Variants in VRK1 observed in about 807,000 individuals in gnomAD.
VRK1 encodes the protein serine/threonine-protein kinase VRK1.
A neutral mutation model predicts 57.1 loss-of-function variants in VRK1; 33 were observed. The observed-to-expected ratio is 0.58, with a 90% CI of 0.44 to 0.77. VRK1 has a LOEUF of 0.77. VRK1 is among the 30% of genes least tolerant of loss of function. VRK1 has a pLI of 0.00. For missense variants in VRK1, 413 were observed against 477.3 expected, an observed-to-expected ratio of 0.87 and a Z score of 1.25; for synonymous variants, 137 against 147.8, an observed-to-expected ratio of 0.93 and a Z score of 0.53.
chr14:96,861,218 A>C (rs1888378312), intron 11 of VRK1, among the ~76,000 whole-genome samples: 1 of 152,134 alleles, frequency 6.6e-6, no homozygotes, highest in Admixed American at 6.5e-5. Flanking sequence ...ATATAAAGCT[A>C]TATATCAGCA....
intron 1 of VRK1, among the ~76,000 whole-genome samples, chr14:96,811,816 C>T (rs190182235): frequency 4.3e-4 from 65 of 151,440 alleles, no homozygotes; most frequent in Non-Finnish European, 5.9e-5. Context: ...ATATAACTTA[C>T]ATACCATACA....
chr14:96,839,444 G>GC (rs1887365341), intron 3 of VRK1, among the ~76,000 whole-genome samples: 1 of 152,058 alleles, frequency 6.6e-6, no homozygotes, highest in African/African-American at 2.4e-5. Context: ...AAATGGTTGT[G>GC]CCCTTGTACA....
At chr14:96,812,773 A>G (rs1032940419) in intron 1 of VRK1, among the ~76,000 whole-genome samples, 6 of 152,230 alleles carry the variant, frequency 3.9e-5, no homozygotes, top group African/African-American at 4.8e-5. Flanking sequence ...CATTAGCAAC[A>G]TACATACATG....
At chr14:96,878,554 C>G (rs1889129224) in intron 12 of VRK1, among the ~76,000 whole-genome samples, 1 of 152,096 alleles carries the variant, frequency 6.6e-6, no homozygotes, top group African/African-American at 2.4e-5. Flanking sequence ...CCTTTAATAT[C>G]TATTTAGACC....
At chr14:96,815,849 T>C (rs1886371608) in intron 1 of VRK1, among the ~76,000 whole-genome samples, 1 of 151,566 alleles carries the variant, frequency 6.6e-6, no homozygotes, top group Non-Finnish European at 1.5e-5. Flanking sequence ...ATGATTCTGC[T>C]ATTGCACTCA....
intron 5 of VRK1, among the ~76,000 whole-genome samples, chr14:96,849,463 A>C (rs1233789929): frequency 6.6e-6 from 1 of 151,652 alleles, no homozygotes; most frequent in African/African-American, 2.4e-5. Context: ...AAAAAAAACC[A>C]AGCACGGTAT....
intron 1 of VRK1, among the ~76,000 whole-genome samples, chr14:96,831,910 C>T (rs1887019735): frequency 6.6e-6 from 1 of 151,984 alleles, no homozygotes; most frequent in Non-Finnish European, 1.5e-5. Flanking sequence ...TAAAAGTAAC[C>T]TTTCTTGGTG....
intron 1 of VRK1, among the ~76,000 whole-genome samples, chr14:96,817,331 C>T (rs2139709870): frequency 6.6e-6 from 1 of 151,888 alleles, no homozygotes; most frequent in African/African-American, 2.4e-5. Context: ...ATATGTTTTG[C>T]AGGTATTTTT....
At position 96,847,259 on chromosome 14, in the gene VRK1, C is replaced by G; in HGVS notation, c.289C>G (p.Gln97Glu). The G allele has an allele frequency of 6.2e-7, 1 of 1,612,986 alleles. No homozygotes were observed. ...CAAAGATCTGTTTTAATTTGTAGTTCAGAAATGGATTCGTACCCGTAAGCT... is the reference window on the plus strand; with the variant it reads ...CAAAGATCTGTTTTAATTTGTAGTTGAGAAATGGATTCGTACCCGTAAGCT... ...YQRAAKPEQI[Q>E]KWIRTRKLKY... is the part of the protein sequence containing the mutation. The change falls in exon 5 of 13, where the codon CAG becomes GAG. Residue 97 changes from glutamine (Q) to glutamate (E), a missense_variant and splice_region_variant. By Grantham distance (29) the Gln-to-Glu change is conservative. Transcript: ENST00000216639.
intron 11 of VRK1, among the ~76,000 whole-genome samples, chr14:96,864,589 A>G (rs1166087664): frequency 6.6e-6 from 1 of 152,110 alleles, no homozygotes; most frequent in East Asian, 1.9e-4. Flanking sequence ...TTGGGGGGAA[A>G]CATGTACATT....
intron 12 of VRK1, among the ~76,000 whole-genome samples, chr14:96,879,319 G>T (rs1242784543): frequency 6.6e-6 from 1 of 152,092 alleles, no homozygotes; most frequent in African/African-American, 2.4e-5. Flanking sequence ...AACAAGGTGC[G>T]TAGGACTGAT....
rs1566683641 is a variant in VRK1 at position 96,808,022 on chromosome 14, T to TCC, written c.-6+10575_-6+10576insCC. ...CTCTCCCTCTCTCTCTCCCTCTGTGTGTGTGTGTGTGTGTGTGTGTGTGTG... is the reference window on the plus strand; with the variant it reads ...CTCTCCCTCTCTCTCTCCCTCTGTGTCCGTGTGTGTGTGTGTGTGTGTGTGTG... On this transcript the variant is annotated intron_variant, in intron 1 of 12. Coordinates refer to ENST00000216639, the MANE Select transcript of VRK1 (RefSeq NM_003384.3). Among the ~76,000 whole-genome samples, 182 of 46,066 alleles carry TCC rather than the reference T, an allele frequency of 4.0e-3. 2 individuals carry two copies. Among genetic ancestry groups the TCC allele is most frequent in the African/African-American group, 0.011 (162 of 14,582 alleles). The allele number at this position is 46,066 out of a possible 152,430, so 30.2% of individuals were successfully genotyped here.
chr14:96,815,591 A>G (rs1886361044), intron 1 of VRK1, among the ~76,000 whole-genome samples: 1 of 152,120 alleles, frequency 6.6e-6, no homozygotes, highest in African/African-American at 2.4e-5. Flanking sequence ...TTTTTAACAA[A>G]TGAGAAAAAA....
At chr14:96,829,782 C>T (rs954112544) in intron 1 of VRK1, among the ~76,000 whole-genome samples, 1 of 152,038 alleles carries the variant, frequency 6.6e-6, no homozygotes, top group Non-Finnish European at 1.5e-5. Flanking sequence ...TACATTTGCC[C>T]ATTATATACT....
Position 96,798,398 on chromosome 14 carries a change from A to T in VRK1, c.-6+951A>T, listed in dbSNP as rs1885526733. Among the ~76,000 whole-genome samples the T allele has an allele frequency of 2.0e-5, 3 of 151,972 alleles. No homozygotes were observed. The South Asian group carries it at 6.2e-4, about 32-fold the overall frequency. On this transcript the variant is annotated intron_variant, in intron 1 of 12. Coordinates refer to ENST00000216639, the MANE Select transcript of VRK1 (RefSeq NM_003384.3). ...CCTGTTGAGGCCACCCATTTTTCTG[A>T]TGTCCTTTCTTTCAAGTCACTCATT...
At chr14:96,820,704 A>G (rs1039853901) in intron 1 of VRK1, among the ~76,000 whole-genome samples, 1 of 152,254 alleles carries the variant, frequency 6.6e-6, no homozygotes, top group Non-Finnish European at 1.5e-5. Flanking sequence ...ATGATGTATA[A>G]CATAACCACA....
intron 12 of VRK1, among the ~76,000 whole-genome samples, chr14:96,878,656 C>G (rs1368342233): frequency 1.3e-5 from 2 of 152,080 alleles, no homozygotes; most frequent in Non-Finnish European, 2.9e-5. Context: ...TGAAAGCTTT[C>G]AAAATGTGTA....
At chr14:96,831,256 A>G (rs1196750757) in intron 1 of VRK1, among the ~76,000 whole-genome samples, 1 of 152,198 alleles carries the variant, frequency 6.6e-6, no homozygotes, top group Non-Finnish European at 1.5e-5. Flanking sequence ...TTGTAGAGAT[A>G]AAGGGATACT....
chr14:96,859,215 A>G (rs1325375410), intron 10 of VRK1, among the ~76,000 whole-genome samples: 1 of 152,140 alleles, frequency 6.6e-6, no homozygotes, highest in Non-Finnish European at 1.5e-5. Flanking sequence ...AGATTTTTAT[A>G]TATTTACCTT....
Sources: allele counts gnomAD v4.1 joint callset (sites outside exome capture counted in the v4.1 genomes callset), GRCh38; gene constraint gnomAD v4.1.1; transcripts MANE v1.5; gene names NCBI Gene and HGNC (gene_info 2026-07-23, HGNC 2026-07-21).